RGS7: variants seen among roughly 807,000 people sequenced by gnomAD.
RGS7 encodes regulator of G-protein signaling 7.
In RGS7, 27 loss-of-function variants were observed where a neutral mutation model predicts 81.1. The ratio of observed to expected loss-of-function variants is 0.33; its 90% CI spans 0.25 to 0.46. The LOEUF is 0.46. RGS7 is among the 20% of genes least tolerant of loss of function. The probability of loss-of-function intolerance (pLI) is 1.00; values close to 1 mark genes in which losing one functional copy is unlikely to be tolerated. For missense variants in RGS7, 396 were observed against 607.4 expected (o/e 0.65, Z 3.66); for synonymous variants, 208 against 207.7 (o/e 1.00, Z -0.01).
intron 3 of RGS7, among the ~76,000 whole-genome samples, chr1:240,985,884 G>T (rs1685583159): frequency 6.6e-6 from 1 of 151,680 alleles, no homozygotes; most frequent in Non-Finnish European, 1.5e-5. Flanking sequence ...AATTTAAAAT[G>T]GAGCATTACA....
chr1:241,273,625 C>T (rs919859585), intron 2 of RGS7, among the ~76,000 whole-genome samples: 2 of 152,044 alleles, frequency 1.3e-5, no homozygotes, highest in African/African-American at 4.8e-5. Flanking sequence ...TCTGTGAAGA[C>T]CAATATTACT....
intron 9 of RGS7, among the ~76,000 whole-genome samples, chr1:240,841,270 T>C (rs910288628): frequency 1.3e-5 from 2 of 152,180 alleles, no homozygotes; most frequent in Admixed American, 6.5e-5. Flanking sequence ...AAGATGAGAA[T>C]AGAGCAGGCC....
intron 3 of RGS7, among the ~76,000 whole-genome samples, chr1:241,082,662 C>T (rs1533572): frequency 0.32 from 48,029 of 151,948 alleles, 9,395 homozygotes; most frequent in Admixed American, 0.42. Flanking sequence ...AGTACATTAT[C>T]GAAATTACAG....
At chr1:240,880,693 C>T (rs570100280) in intron 6 of RGS7, among the ~76,000 whole-genome samples, 1 of 152,308 alleles carries the variant, frequency 6.6e-6, no homozygotes, top group South Asian at 2.1e-4. Flanking sequence ...ATTTCCAGCC[C>T]TCATGCATCA....
chr1:240,960,233 T>TTTTTTTTTTTTGG, intron 4 of RGS7, among the ~76,000 whole-genome samples: 1 of 100,960 alleles, frequency 9.9e-6, no homozygotes, highest in South Asian at 3.5e-4. Flanking sequence ...TTTTTTTTTT[T>TTTTTTTTTTTTGG]TGTTGTTGTT....
intron 3 of RGS7, among the ~76,000 whole-genome samples, chr1:241,095,430 C>T (rs542563849): frequency 2.6e-5 from 4 of 152,104 alleles, no homozygotes; most frequent in African/African-American, 9.6e-5. Flanking sequence ...TCACTGGAGC[C>T]CAGGAATTTG....
At chr1:240,820,484 G>T (rs1416355696) in intron 10 of RGS7, among the ~76,000 whole-genome samples, 1 of 151,990 alleles carries the variant, frequency 6.6e-6, no homozygotes. Flanking sequence ...GGGGGTGGGG[G>T]TTTGCTATGG....
intron 2 of RGS7, among the ~76,000 whole-genome samples, chr1:241,260,404 T>C (rs2077270929): frequency 6.6e-6 from 1 of 152,190 alleles, no homozygotes; most frequent in Non-Finnish European, 1.5e-5. Flanking sequence ...ATATTGGGTA[T>C]ATCAAATACT....
chr1:241,046,483 T>C (rs1572431626), intron 3 of RGS7, among the ~76,000 whole-genome samples: 1 of 152,264 alleles, frequency 6.6e-6, no homozygotes, highest in Admixed American at 6.5e-5. Context: ...AGGGGAAAAG[T>C]GGCCAAACTT....
intron 2 of RGS7, among the ~76,000 whole-genome samples, chr1:241,341,133 G>A (rs370190992): frequency 6.6e-6 from 1 of 152,110 alleles, no homozygotes; most frequent in Non-Finnish European, 1.5e-5. Context: ...ACACAATCAC[G>A]AAATCGTAGA....
intron 4 of RGS7, among the ~76,000 whole-genome samples, chr1:240,961,356 C>T (rs1006654563): frequency 2.0e-5 from 3 of 151,988 alleles, no homozygotes; most frequent in Non-Finnish European, 2.9e-5. Flanking sequence ...AAAGTGATGT[C>T]ATGCAGGGGT....
At chr1:241,198,092 G>A (rs2073219429) in intron 2 of RGS7, among the ~76,000 whole-genome samples, 1 of 151,914 alleles carries the variant, frequency 6.6e-6, no homozygotes. Context: ...TTGGAACATA[G>A]ACTATTTTTC....
intron 2 of RGS7, among the ~76,000 whole-genome samples, chr1:241,272,273 G>A (rs935761581): frequency 1.2e-4 from 19 of 152,038 alleles, no homozygotes; most frequent in South Asian, 2.1e-4. Flanking sequence ...GATTACAGGC[G>A]TGAGCCACTG....
rs537677382 is a variant in RGS7 at position 241,292,750 on chromosome 1, C to A, written c.78+62949G>T. Among the ~76,000 whole-genome samples the A allele has an allele frequency of 1.0e-3, 157 of 151,992 alleles. 3 individuals carry two copies. Among genetic ancestry groups the A allele is most frequent in the African/African-American group, 3.2e-3 (133 of 41,458 alleles). On this transcript the variant is annotated intron_variant, in intron 2 of 18. Transcript: ENST00000440928. ...CTGTCGTGAACATTCCTCTTCCCCC[C>A]AAAAATAAAGAGGAAATAAAGAGAA...
rs1198113819 is a variant in RGS7 at position 240,813,695 on chromosome 1, G to A, written c.879C>T (p.Tyr293=). The change falls in exon 13 of 19, where the codon TAC becomes TAT. Residue 293 remains tyrosine, a synonymous_variant. Coordinates refer to ENST00000440928, the MANE Select transcript of RGS7 (RefSeq NM_001364886.1). ...LLSYTEQYLE[Y]DPFLLPPDPS... Reference sequence around the variant, plus strand: ...GGTCAGGTGGCAAAAGAAACGGGTCGTATTCTAAATACTGTTCCGTGTAAC... The same window carrying A: ...GGTCAGGTGGCAAAAGAAACGGGTCATATTCTAAATACTGTTCCGTGTAAC... 1.5e-5 allele frequency: 24 copies of A among 1,613,094 alleles called. No individual in the cohort carries two copies. Among genetic ancestry groups the A allele is most frequent in the East Asian group, 2.2e-5 (1 of 44,878 alleles).
At chr1:240,867,615 T>C (rs1163015042) in intron 9 of RGS7, among the ~76,000 whole-genome samples, 4 of 152,338 alleles carry the variant, frequency 2.6e-5, no homozygotes, top group South Asian at 4.1e-4. Context: ...CAATGTTATG[T>C]CATTAAAAGT....
chr1:241,347,902 A>G (rs1452151622), intron 2 of RGS7, among the ~76,000 whole-genome samples: 1 of 147,710 alleles, frequency 6.8e-6, no homozygotes, highest in Non-Finnish European at 1.5e-5. Context: ...TATTCTCTTG[A>G]AAAAAAAATA....
At chr1:240,982,666 A>C (rs1685100025) in intron 4 of RGS7, among the ~76,000 whole-genome samples, 1 of 152,168 alleles carries the variant, frequency 6.6e-6, no homozygotes, top group Admixed American at 6.5e-5. Flanking sequence ...TTACAAATAA[A>C]ATACTGATTT....
intron 2 of RGS7, among the ~76,000 whole-genome samples, chr1:241,332,216 C>T (rs2082014584): frequency 6.6e-6 from 1 of 152,076 alleles, no homozygotes; most frequent in Admixed American, 6.5e-5. Context: ...AGGAGGCCCA[C>T]AGGAAGGATA....
Sources: gnomAD v4.1 joint callset for allele counts (sites outside exome capture counted in the v4.1 genomes callset) on GRCh38, gnomAD v4.1.1 for gene constraint, MANE v1.5 for transcripts, NCBI Gene and HGNC (gene_info 2026-07-23, HGNC 2026-07-21) for gene names.